The following CDC27 variants were observed in gnomAD, a reference collection of about 807,000 sequenced individuals.
CDC27 encodes the protein cell division cycle protein 27 homolog.
A neutral mutation model predicts 109.7 loss-of-function variants in CDC27; 27 were observed. The observed-to-expected ratio is 0.25, with a 90% CI of 0.18 to 0.34. The LOEUF is 0.34. Among genes scored for constraint, CDC27 ranks in the 10% least tolerant of loss-of-function variants. The probability of loss-of-function intolerance (pLI) is 1.00; values close to 1 mark genes in which losing one functional copy is unlikely to be tolerated. For missense variants in CDC27, 579 were observed against 960.2 expected, an observed-to-expected ratio of 0.60 and a Z score of 5.25; for synonymous variants, 266 against 333.9, an observed-to-expected ratio of 0.80 and a Z score of 2.22.
At chr17:47,174,870 C>T (rs1036033841) in intron 2 of CDC27, among the ~76,000 whole-genome samples, 1 of 152,058 alleles carries the variant, frequency 6.6e-6, no homozygotes, top group Non-Finnish European at 1.5e-5. Context: ...GCAGAACAAT[C>T]ACTTAAACCC....
chr17:47,141,859 G>A lies in CDC27; in HGVS notation c.1545C>T (p.Tyr515=), dbSNP rs946375903. ...AACCATTTTCTATACTTACTTGCAT[G>A]TACTCTGAAAGTTCAAAATAGGCCC... is the stretch of plus-strand genomic sequence containing the variant. ...IGRAYFELSE[Y]MQAERIFSEV... Residue 515 remains tyrosine (Y), a synonymous_variant, in exon 12 of 19, where the codon TAC becomes TAT. Coordinates refer to ENST00000066544, the MANE Select transcript of CDC27 (RefSeq NM_001256.6). 37 of 1,583,636 alleles carry A rather than the reference G, an allele frequency of 2.3e-5. No homozygotes were observed. Among genetic ancestry groups the A allele is most frequent in the Admixed American group, 7.5e-5 (4 of 53,684 alleles).
At chr17:47,129,569 A>G (rs369501361) in intron 15 of CDC27, 48 bp from the exon 16 acceptor site, 12 of 1,388,234 alleles carry the variant, frequency 8.6e-6, no homozygotes, top group African/African-American at 2.9e-5. Flanking sequence ...ATATTTATGA[A>G]GAAAGGTGAG....
chr17:47,137,088 A>C, intron 14 of CDC27, 64 bp downstream of exon 14: 1 of 907,262 alleles, frequency 1.1e-6, no homozygotes, highest in Non-Finnish European at 1.6e-6. Flanking sequence ...CTATCTAACA[A>C]GAAAAATTAG....
intron 4 of CDC27, chr17:47,162,208 G>A (rs1284244509): frequency 6.6e-6 from 1 of 152,198 alleles, no homozygotes; most frequent in Non-Finnish European, 1.5e-5. Context: ...CAGCAACGAA[G>A]CCATAATTCA....
intron 18 of CDC27, among the ~76,000 whole-genome samples, chr17:47,121,497 G>A (rs781547364): frequency 4.6e-5 from 7 of 152,120 alleles, no homozygotes; most frequent in Non-Finnish European, 8.8e-5. Flanking sequence ...GAGTGCAGTG[G>A]CACAATCATA....
chr17:47,181,274 A>C (rs1182061562), intron 2 of CDC27: 9 of 136,396 alleles, frequency 6.6e-5, no homozygotes, highest in South Asian at 3.8e-4. Context: ...AAAAAAAAAA[A>C]AAAAAAAAAA....
At chr17:47,174,348 C>T (rs1014208649) in intron 2 of CDC27, among the ~76,000 whole-genome samples, 1 of 152,184 alleles carries the variant, frequency 6.6e-6, no homozygotes, top group Non-Finnish European at 1.5e-5. Flanking sequence ...TAATGGCTGT[C>T]TGAAATGCCA....
chr17:47,181,031 C>G (rs1417057857), intron 2 of CDC27, among the ~76,000 whole-genome samples: 6 of 146,632 alleles, frequency 4.1e-5, no homozygotes, highest in Non-Finnish European at 8.9e-5. Context: ...GCAGGTGGAT[C>G]ACCTAAGCTC....
chr17:47,169,761 T>G (rs2063758187), intron 4 of CDC27, 156 bp downstream of exon 4: 3 of 458,042 alleles, frequency 6.5e-6, no homozygotes, highest in Non-Finnish European at 1.1e-5. Context: ...CAAACTTAGA[T>G]TAGCATCTCT....
chr17:47,181,640 G>A lies in CDC27; in HGVS notation c.28-3C>T. 6.3e-7 allele frequency: 1 copy of A among 1,584,830 alleles called. No homozygotes were observed. Among genetic ancestry groups the A allele is most frequent in the Non-Finnish European group, 8.6e-7 (1 of 1,156,960 alleles). On this transcript the variant is annotated splice_polypyrimidine_tract_variant and splice_region_variant and intron_variant, in intron 1 of 18. Transcript: ENST00000066544. The stretch of plus-strand genomic sequence containing the variant: ...TTTAGTGCTTGCCATATAGCAGCCT[G>A]CAAATGGAGGAAAAAGAACATAAAT...
Position 47,141,858 on chromosome 17 carries a change from T to A in CDC27, c.1546A>T (p.Met516Leu). The A allele has an allele frequency of 6.3e-7, 1 of 1,584,740 alleles. No individual in the cohort carries two copies. ...GRAYFELSEYMQAERIFSEVR... is the reference protein window; with the variant it reads ...GRAYFELSEYLQAERIFSEVR... ...TAACCATTTTCTATACTTACTTGCA[T>A]GTACTCTGAAAGTTCAAAATAGGCC... The change falls in exon 12 of 19, where the codon ATG becomes TTG. Residue 516 changes from methionine (M) to leucine (L), a missense_variant. Met to Leu is a conservative substitution (Grantham distance 15, BLOSUM62 2). Around this residue, in one of 9 missense-constraint regions of CDC27, gnomAD observed 227 missense variants for 363.6 expected, o/e 0.62. Transcript: ENST00000066544.
Position 47,154,734 on chromosome 17 carries a change from G to T in CDC27, c.895C>A (p.Gln299Lys), listed in dbSNP as rs2148908120. The T allele has an allele frequency of 1.9e-6, 3 of 1,610,610 alleles. No homozygotes were observed. Among genetic ancestry groups the T allele is most frequent in the Non-Finnish European group, 2.5e-6 (3 of 1,177,736 alleles). Residue 299 changes from glutamine (Q) to lysine (K), a missense_variant, in exon 8 of 19, where the codon CAA (glutamine) becomes AAA (lysine). By Grantham distance (53) the Gln-to-Lys change is moderately conservative. Transcript: ENST00000066544. ...ACAGGAGGTGTATTAGTGTAGTTTT[G>T]TAAATAGGATCCATCTCCAGGACTT... ...TPSPGDGSYL[Q>K]NYTNTPPVID...
chr17:47,174,990 C>CAGGAA (rs148892033), intron 2 of CDC27, among the ~76,000 whole-genome samples: 83,432 of 144,366 alleles, frequency 0.58, 24,482 homozygotes, highest in Middle Eastern at 0.67. Context: ...CAGGACAGGA[C>CAGGAA]AGGAAAGGAA....
chr17:47,182,433 T>A (rs1475723452), intron 1 of CDC27, among the ~76,000 whole-genome samples: 1 of 152,180 alleles, frequency 6.6e-6, no homozygotes, highest in Non-Finnish European at 1.5e-5. Flanking sequence ...TGTGTGTTCC[T>A]TGTTGATACC....
At chr17:47,186,573 AGT>A (rs1351659844) in intron 1 of CDC27, among the ~76,000 whole-genome samples, 2 of 152,208 alleles carry the variant, frequency 1.3e-5, no homozygotes, top group Non-Finnish European at 2.9e-5. Flanking sequence ...CACTTAGGCT[AGT>A]GTGTCTTTCC....
intron 9 of CDC27, among the ~76,000 whole-genome samples, chr17:47,146,527 T>A (rs755981325): frequency 6.6e-6 from 1 of 152,200 alleles, no homozygotes; most frequent in Non-Finnish European, 1.5e-5. Flanking sequence ...AAGCTGGGAA[T>A]AGCTCATACT....
intron 4 of CDC27, among the ~76,000 whole-genome samples, chr17:47,160,556 G>A (rs2063469567): frequency 6.6e-6 from 1 of 152,126 alleles, no homozygotes; most frequent in South Asian, 2.1e-4. Flanking sequence ...ATAGGAGGAT[G>A]GAAGGGGTTA....
chr17:47,145,574 G>A (rs185254861), intron 9 of CDC27, among the ~76,000 whole-genome samples: 8 of 152,230 alleles, frequency 5.3e-5, no homozygotes, highest in African/African-American at 1.9e-4. Context: ...GTAACTCCTA[G>A]ATACTTTCTG....
At chr17:47,173,874 C>T (rs371074533) in intron 2 of CDC27, among the ~76,000 whole-genome samples, 62 of 152,358 alleles carry the variant, frequency 4.1e-4, no homozygotes, top group African/African-American at 1.3e-3. Flanking sequence ...AGGCAGATCA[C>T]CTGAGGTCAG....
Sources: allele counts gnomAD v4.1 joint callset (sites outside exome capture counted in the v4.1 genomes callset), GRCh38; gene constraint gnomAD v4.1.1; regional missense constraint gnomAD v4.1.1; transcripts MANE v1.5; gene names NCBI Gene and HGNC (gene_info 2026-07-23, HGNC 2026-07-21).